ZSWIM2: variants seen among roughly 807,000 people sequenced by gnomAD.
ZSWIM2 encodes the protein zinc finger SWIM-type containing 2, also known as E3 ubiquitin-protein ligase ZSWIM2.
ZSWIM2 carries 38 observed loss-of-function variants against 48.4 expected under a neutral mutation model. That is an observed-to-expected ratio of 0.79 (90% CI 0.61 to 1.03). ZSWIM2 has a LOEUF of 1.03. ZSWIM2 is among the 50% of genes least tolerant of loss of function. The probability of loss-of-function intolerance (pLI) is 0.00; values close to 1 mark genes in which losing one functional copy is unlikely to be tolerated. For synonymous variants in ZSWIM2, 240 were observed against 251.3 expected (o/e 0.96, Z 0.42); for missense variants, 776 against 730.2 (o/e 1.06, Z -0.72).
intron 1 of ZSWIM2, among the ~76,000 whole-genome samples, chr2:186,848,012 C>A (rs964781406): frequency 6.6e-6 from 1 of 152,138 alleles, no homozygotes; most frequent in Non-Finnish European, 1.5e-5. Context: ...TTTAAAGTGA[C>A]CTGCCCTTAG....
chr2:186,828,328 T>C lies in ZSWIM2; in HGVS notation c.1558A>G (p.Lys520Glu). ...SQTLLPPIVHKNIVCPTAMES... is the reference protein window; with the variant it reads ...SQTLLPPIVHENIVCPTAMES... ...ATTGCAGTGGGACACACAATATTCTTATGAACAATAGGAGGAAGCAGTGTT... is the reference window on the plus strand; with the variant it reads ...ATTGCAGTGGGACACACAATATTCTCATGAACAATAGGAGGAAGCAGTGTT... Residue 520 changes from lysine to glutamate, a missense_variant, in exon 9 of 9, where the codon AAG becomes GAG. Lys to Glu is a moderately conservative substitution (Grantham distance 56). Coordinates refer to ENST00000295131, the MANE Select transcript of ZSWIM2 (RefSeq NM_182521.3). 3 of 1,613,726 alleles carry C rather than the reference T, an allele frequency of 1.9e-6. No homozygotes were observed. Among genetic ancestry groups the C allele is most frequent in the Non-Finnish European group, 2.5e-6 (3 of 1,179,800 alleles).
chr2:186,841,953 G>T (rs1260669575), intron 3 of ZSWIM2, among the ~76,000 whole-genome samples: 1 of 151,196 alleles, frequency 6.6e-6, no homozygotes, highest in Non-Finnish European at 1.5e-5. Context: ...GAACTATCAG[G>T]TGGTAAATCT....
chr2:186,838,996 G>A lies in ZSWIM2; in HGVS notation c.457C>T (p.Leu153=), dbSNP rs1691853434. 2.5e-6 allele frequency: 4 copies of A among 1,609,956 alleles called. No individual in the cohort carries two copies. The highest frequency in any genetic ancestry group is 2.7e-5 in the African/African-American group (2 of 74,762). ...SEDICSICQE[L]LLEKKLPVTF... Reference sequence around the variant, plus strand: ...ACAGGAAGCTTTTTCTCTAAAAGTAGCTCTTGACAAATAGAGCAGATATCC... The same window carrying A: ...ACAGGAAGCTTTTTCTCTAAAAGTAACTCTTGACAAATAGAGCAGATATCC... Residue 153 remains leucine (L), a synonymous_variant, in exon 4 of 9, where the codon CTA becomes TTA. Coordinates refer to ENST00000295131, the MANE Select transcript of ZSWIM2 (RefSeq NM_182521.3).
intron 2 of ZSWIM2, among the ~76,000 whole-genome samples, chr2:186,847,330 A>G (rs911337611): frequency 1.3e-5 from 2 of 152,096 alleles, no homozygotes; most frequent in African/African-American, 4.8e-5. Flanking sequence ...GGAACATTTG[A>G]TATTCAAGAA....
chr2:186,835,985 C>T (rs1336661270), intron 5 of ZSWIM2, among the ~76,000 whole-genome samples: 1 of 152,046 alleles, frequency 6.6e-6, no homozygotes, highest in African/African-American at 2.4e-5. Context: ...AATAATGCCC[C>T]AGGACAGAAA....
At chr2:186,848,246 T>C (rs139947578) in intron 1 of ZSWIM2, among the ~76,000 whole-genome samples, 59 of 152,290 alleles carry the variant, frequency 3.9e-4, no homozygotes, top group African/African-American at 1.4e-3. Flanking sequence ...GCTAAAACTA[T>C]TAAATACAGT....
chr2:186,837,640 T>G, intron 4 of ZSWIM2, 86 bp from the exon 5 acceptor site: 1 of 436,426 alleles, frequency 2.3e-6, no homozygotes, highest in South Asian at 9.6e-5. Flanking sequence ...TATATATATA[T>G]TTATATAAAT....
chr2:186,833,058 A>G (rs1203201241), intron 7 of ZSWIM2, 62 bp downstream of exon 7: 1 of 700,720 alleles, frequency 1.4e-6, no homozygotes, highest in African/African-American at 1.9e-5. Flanking sequence ...AACTTATTCA[A>G]ATTGAGAAGT....
chr2:186,837,557 A>G lies in ZSWIM2; in HGVS notation c.495-3T>C. On this transcript the variant is annotated splice_polypyrimidine_tract_variant and splice_region_variant and intron_variant, in intron 4 of 8. Transcript: ENST00000295131. ...GAATACTATTGCCACAGCCAAACCTATGAGAGATAAAATTGAAGTTTACCA... is the reference window on the plus strand; with the variant it reads ...GAATACTATTGCCACAGCCAAACCTGTGAGAGATAAAATTGAAGTTTACCA... 1 of 1,604,486 alleles carries G rather than the reference A, an allele frequency of 6.2e-7. No individual in the cohort carries two copies. Among genetic ancestry groups the G allele is most frequent in the Non-Finnish European group, 8.5e-7 (1 of 1,175,174 alleles).
intron 3 of ZSWIM2, among the ~76,000 whole-genome samples, chr2:186,843,210 A>G (rs991100125): frequency 6.6e-6 from 1 of 151,678 alleles, no homozygotes; most frequent in Non-Finnish European, 1.5e-5. Context: ...ATGGAAGAAT[A>G]GTGTAGAGAA....
chr2:186,839,193 A>C (rs181937449), intron 3 of ZSWIM2, 24 bp from the exon 4 acceptor site: 192 of 1,604,906 alleles, frequency 1.2e-4, no homozygotes, highest in Admixed American at 2.0e-4. Context: ...CCAAAGTATT[A>C]AAATCCAGTC....
chr2:186,841,092 T>C (rs1442039694), intron 3 of ZSWIM2, among the ~76,000 whole-genome samples: 1 of 151,542 alleles, frequency 6.6e-6, no homozygotes, highest in African/African-American at 2.4e-5. Flanking sequence ...TTTGTTTGCC[T>C]TATGTTATTT....
chr2:186,847,570 T>G, intron 2 of ZSWIM2, 149 bp downstream of exon 2: 1 of 434,408 alleles, frequency 2.3e-6, no homozygotes. Context: ...ACTGAAAAAT[T>G]TATTGGTAAG....
chr2:186,837,295 A>G lies in ZSWIM2; in HGVS notation c.743+11T>C. The G allele has an allele frequency of 6.2e-7, 1 of 1,610,726 alleles. No homozygotes were observed. Among genetic ancestry groups the G allele is most frequent in the East Asian group, 2.2e-5 (1 of 44,812 alleles). ...AAGAACACATGCTTATAATTTACGG[A>G]TAACACTTACTTATAACACTTCCCC... On this transcript the variant is annotated intron_variant, in intron 5 of 8. Coordinates refer to ENST00000295131, the MANE Select transcript of ZSWIM2 (RefSeq NM_182521.3).
chr2:186,839,393 GA>G (rs1691863349), intron 3 of ZSWIM2, among the ~76,000 whole-genome samples: 1 of 151,548 alleles, frequency 6.6e-6, no homozygotes, highest in South Asian at 2.1e-4. Flanking sequence ...TCTTGTAACT[GA>G]AAAAGAGTCA....
At position 186,844,763 on chromosome 2, in the gene ZSWIM2, A is replaced by T. The variant is rs1418248876; in HGVS notation, c.243-6T>A. The T allele has an allele frequency of 9.0e-6, 14 of 1,556,080 alleles. No individual in the cohort carries two copies. Among genetic ancestry groups the T allele is most frequent in the Non-Finnish European group, 1.1e-5 (13 of 1,157,016 alleles). ...TGAATTTTTTCAACAAGACCCTAAC[A>T]TTCACAAGTAGAAAAAAAATCAAGA... On this transcript the variant is annotated splice_polypyrimidine_tract_variant and splice_region_variant and intron_variant, in intron 2 of 8. Coordinates refer to ENST00000295131, the MANE Select transcript of ZSWIM2 (RefSeq NM_182521.3).
At chr2:186,834,381 C>A (rs777572457) in intron 5 of ZSWIM2, among the ~76,000 whole-genome samples, 1 of 152,086 alleles carries the variant, frequency 6.6e-6, no homozygotes, top group Non-Finnish European at 1.5e-5. Context: ...CAACCCCAGG[C>A]GCTGACCTGG....
Position 186,827,841 on chromosome 2 carries a change from T to C in ZSWIM2, c.*143A>G. ...AAGTAATAGAATCATTTCCTTTAAG[T>C]GTAGTGAGCTGTTTATAGGTAAGTA... On this transcript the variant is annotated 3_prime_UTR_variant, in exon 9 of 9. Coordinates refer to ENST00000295131, the MANE Select transcript of ZSWIM2 (RefSeq NM_182521.3). The C allele has an allele frequency of 1.8e-6, 1 of 553,458 alleles. No homozygotes were observed. The highest frequency in any genetic ancestry group is 3.0e-6 in the Non-Finnish European group (1 of 328,426). The allele number at this position is 553,458 out of a possible 1,614,324, so 34.3% of individuals were successfully genotyped here.
intron 8 of ZSWIM2, 31 bp from the exon 9 acceptor site, chr2:186,828,821 A>G: frequency 1.6e-6 from 2 of 1,275,654 alleles, no homozygotes; most frequent in Non-Finnish European, 2.1e-6. Flanking sequence ...AATCAGAACT[A>G]TACCAATCTT....
Sources: allele counts gnomAD v4.1 joint callset (sites outside exome capture counted in the v4.1 genomes callset), GRCh38; gene constraint gnomAD v4.1.1; transcripts MANE v1.5; gene names NCBI Gene and HGNC (gene_info 2026-07-23, HGNC 2026-07-21).